Variants in CLASP2 observed in about 807,000 individuals in gnomAD.
CLASP2 encodes the protein cytoplasmic linker associated protein 2.
In CLASP2, 47 loss-of-function variants were observed where a neutral mutation model predicts 194.4. That is an observed-to-expected ratio of 0.24 (90% CI 0.19 to 0.31). The LOEUF is 0.31. Ranked by LOEUF, CLASP2 falls within the 10% of genes least tolerant of loss-of-function variation. The probability of loss-of-function intolerance (pLI) is 1.00; values close to 1 mark genes in which losing one functional copy is unlikely to be tolerated. For synonymous variants in CLASP2, 619 were observed against 633.5 expected (o/e 0.98, Z 0.34); for missense variants, 1,445 against 1,823.6 (o/e 0.79, Z 3.78).
intron 1 of CLASP2, among the ~76,000 whole-genome samples, chr3:33,708,467 TGTGG>T (rs1228466055): frequency 5.3e-4 from 64 of 120,412 alleles, no homozygotes; most frequent in African/African-American, 1.9e-3. Context: ...GTGTTGTGTG[TGTGG>T]GTGTGTGTGT....
chr3:33,664,063 C>A lies in CLASP2; in HGVS notation c.645-548G>T, dbSNP rs555041831. 7.9e-5 allele frequency among the ~76,000 whole-genome samples: 12 copies of A among 152,272 alleles called. No individual in the cohort carries two copies. In the South Asian group the frequency reaches 1.4e-3, roughly 18 times the overall value. On this transcript the variant is annotated intron_variant, in intron 6 of 38. Coordinates refer to ENST00000682230, the MANE Select transcript of CLASP2 (RefSeq NM_001365631.1). ...ATATTCAGGATAATTACACTTTCTG[C>A]ACTTCTGCTATCACTTTTCTTAGTT... is the stretch of plus-strand genomic sequence containing the variant.
intron 10 of CLASP2, among the ~76,000 whole-genome samples, chr3:33,626,558 C>A: frequency 6.6e-6 from 1 of 151,902 alleles, no homozygotes; most frequent in African/African-American, 2.4e-5. Flanking sequence ...GAAAAAAACC[C>A]AGATAAATGC....
At chr3:33,510,880 CTACAG>C in intron 36 of CLASP2, 116 bp from the exon 37 acceptor site, 1 of 912,558 alleles carries the variant, frequency 1.1e-6, no homozygotes, top group Non-Finnish European at 1.6e-6. Flanking sequence ...TTTGAAAATG[CTACAG>C]TAAACAAACA....
chr3:33,600,088 TTG>T (rs371922867), intron 18 of CLASP2, among the ~76,000 whole-genome samples: 3 of 151,062 alleles, frequency 2.0e-5, no homozygotes, highest in Admixed American at 6.6e-5. Context: ...TATATTTTTT[TTG>T]TGTGTGTGTG....
chr3:33,512,705 A>C (rs2050240784), intron 36 of CLASP2, among the ~76,000 whole-genome samples: 1 of 150,456 alleles, frequency 6.6e-6, no homozygotes, highest in African/African-American at 2.4e-5. Flanking sequence ...AAAAAAAAAA[A>C]AAAGGCCAGG....
intron 27 of CLASP2, among the ~76,000 whole-genome samples, chr3:33,564,140 A>T (rs898148667): frequency 1.3e-5 from 2 of 152,186 alleles, no homozygotes; most frequent in African/African-American, 4.8e-5. Context: ...GAAAATAAAG[A>T]CTATATTTTT....
intron 37 of CLASP2, among the ~76,000 whole-genome samples, chr3:33,508,747 T>G (rs575862676): frequency 6.6e-6 from 1 of 152,228 alleles, no homozygotes; most frequent in Non-Finnish European, 1.5e-5. Context: ...GTCTATGAGC[T>G]TTGATTCTTT....
intron 1 of CLASP2, among the ~76,000 whole-genome samples, chr3:33,701,508 A>C (rs1174291025): frequency 6.6e-6 from 1 of 152,224 alleles, no homozygotes; most frequent in Non-Finnish European, 1.5e-5. Flanking sequence ...AAGCAGGAGG[A>C]TTGCTTGAGC....
intron 38 of CLASP2, among the ~76,000 whole-genome samples, chr3:33,499,744 T>C (rs916669759): frequency 6.6e-6 from 1 of 152,126 alleles, no homozygotes; most frequent in Non-Finnish European, 1.5e-5. Context: ...AACAATTGAG[T>C]ACTAGGTGTT....
At chr3:33,708,524 G>A (rs1341559949) in intron 1 of CLASP2, among the ~76,000 whole-genome samples, 27 of 100,144 alleles carry the variant, frequency 2.7e-4, no homozygotes, top group Admixed American at 1.5e-3. Context: ...ATGTATATAT[G>A]TATATATATA....
intron 6 of CLASP2, among the ~76,000 whole-genome samples, chr3:33,680,495 G>A (rs1030093025): frequency 2.6e-5 from 4 of 152,174 alleles, no homozygotes; most frequent in Non-Finnish European, 5.9e-5. Context: ...TAATTTTACT[G>A]TGAACCTAAA....
At chr3:33,684,193 CA>C (rs1451095914) in intron 6 of CLASP2, among the ~76,000 whole-genome samples, 165 bp downstream of exon 6, 1 of 151,530 alleles carries the variant, frequency 6.6e-6, no homozygotes, top group African/African-American at 2.4e-5. Flanking sequence ...TGTGGTGAGC[CA>C]AGATCGCGCC....
chr3:33,618,983 G>T (rs1224768248), intron 12 of CLASP2, among the ~76,000 whole-genome samples: 2 of 152,092 alleles, frequency 1.3e-5, no homozygotes, highest in African/African-American at 4.8e-5. Context: ...AAACCTACAT[G>T]GTATAGCCTA....
chr3:33,617,408 T>C (rs764976153), intron 12 of CLASP2, among the ~76,000 whole-genome samples: 1 of 152,096 alleles, frequency 6.6e-6, no homozygotes, highest in Non-Finnish European at 1.5e-5. Context: ...TTGGGGGAAA[T>C]ATGAAGTTAG....
chr3:33,706,823 G>A (rs1361793410), intron 1 of CLASP2, among the ~76,000 whole-genome samples: 3 of 151,836 alleles, frequency 2.0e-5, no homozygotes, highest in African/African-American at 4.8e-5. Context: ...AAGTTAGTTG[G>A]GCATGGTGGT....
At chr3:33,506,780 C>T (rs1559771292) in intron 37 of CLASP2, among the ~76,000 whole-genome samples, 2 of 152,058 alleles carry the variant, frequency 1.3e-5, no homozygotes, top group Non-Finnish European at 2.9e-5. Context: ...TAATCAATTG[C>T]CTATAAATGT....
intron 1 of CLASP2, among the ~76,000 whole-genome samples, chr3:33,705,585 T>C (rs560383062): frequency 4.6e-5 from 7 of 152,140 alleles, no homozygotes; most frequent in East Asian, 1.9e-4. Flanking sequence ...AAATCCAAAA[T>C]AGACTCAATT....
rs145066758 is a variant in CLASP2, at chr3:33,705,248, A to T, written c.196-8315T>A. Among the ~76,000 whole-genome samples the T allele has an allele frequency of 1.4e-3, 215 of 152,346 alleles. 1 individual carries two copies. Among genetic ancestry groups the T allele is most frequent in the African/African-American group, 3.6e-3 (149 of 41,574 alleles). On this transcript the variant is annotated intron_variant, in intron 1 of 38. Coordinates refer to ENST00000682230, the MANE Select transcript of CLASP2 (RefSeq NM_001365631.1). ...GAATGGCTGATACATGCTATAACAT[A>T]GATTAACCTTGAAAATATCATAGTT...
rs113218260 is a variant in CLASP2, at chr3:33,562,985, T to C, written c.2767-2014A>G. ...TCCATTGACTCTTCCCTCAATTTGA[T>C]TTCCTCTATACCTATCCTTCTAATT... On this transcript the variant is annotated intron_variant, in intron 27 of 38. Transcript: ENST00000682230. Among the ~76,000 whole-genome samples the C allele has an allele frequency of 9.8e-3, 1,485 of 152,286 alleles. 12 individuals are homozygous for C. Among genetic ancestry groups the C allele is most frequent in the South Asian group, 0.03 (145 of 4,828 alleles).
Sources: allele counts gnomAD v4.1 joint callset (sites outside exome capture counted in the v4.1 genomes callset), GRCh38; gene constraint gnomAD v4.1.1; transcripts MANE v1.5; gene names NCBI Gene and HGNC (gene_info 2026-07-23, HGNC 2026-07-21).